PAH: variants seen among roughly 807,000 people sequenced by gnomAD.
The protein encoded by PAH is phenylalanine hydroxylase.
PAH carries 64 observed loss-of-function variants against 62.0 expected under a neutral mutation model. The ratio of observed to expected loss-of-function variants is 1.03; its 90% CI spans 0.84 to 1.27. The LOEUF is 1.27. Among genes scored for constraint, PAH ranks in the 50% most tolerant of loss-of-function variants. The pLI, the probability that PAH is intolerant of heterozygous loss-of-function variation, is 0.00. For synonymous variants in PAH, 195 were observed against 196.2 expected (o/e 0.99, Z 0.05); for missense variants, 579 against 542.8 (o/e 1.07, Z -0.66).
chr12:102,930,461 C>T (rs770614396), intron 1 of PAH, among the ~76,000 whole-genome samples: 2 of 152,112 alleles, frequency 1.3e-5, no homozygotes, highest in Admixed American at 6.5e-5. Flanking sequence ...CTCCATCATG[C>T]TTCTCCTCAT....
intron 1 of PAH, among the ~76,000 whole-genome samples, chr12:102,932,023 C>A (rs1878895375): frequency 1.3e-5 from 2 of 152,290 alleles, no homozygotes; most frequent in African/African-American, 4.8e-5. Flanking sequence ...GCTGAACAAG[C>A]TCAGAAAAAG....
chr12:102,925,625 T>A (rs73393532), intron 1 of PAH, among the ~76,000 whole-genome samples: 4,813 of 152,220 alleles, frequency 0.032, 264 homozygotes, highest in African/African-American at 0.11. Context: ...GACTTCCTAA[T>A]AAGTCAGCAT....
Position 102,868,040 on chromosome 12 carries a change from CTA to C in PAH, c.442-1379_442-1378del, listed in dbSNP as rs1321269260. The stretch of plus-strand genomic sequence containing the variant: ...TATACATATATACATGTATATACAC[CTA>C]TATATATGTATATATATACACATAT... On this transcript the variant is annotated intron_variant, in intron 4 of 12. Coordinates refer to ENST00000553106, the MANE Select transcript of PAH (RefSeq NM_000277.3). Among the ~76,000 whole-genome samples, 33 of 109,004 alleles carry C rather than the reference CTA, an allele frequency of 3.0e-4. 2 individuals are homozygous for C. The highest frequency in any genetic ancestry group is 7.3e-4 in the South Asian group (2 of 2,748). The allele number at this position is 109,004 out of a possible 152,430, so 71.5% of individuals were successfully genotyped here.
upstream of PAH, among the ~76,000 whole-genome samples, chr12:102,954,030 T>A (rs114691794): frequency 2.4e-3 from 361 of 152,324 alleles, 2 homozygotes; most frequent in African/African-American, 8.0e-3. Context: ...CATGTGAAGA[T>A]AAATGGGACA....
At chr12:102,889,486 T>C (rs546757548) in intron 3 of PAH, among the ~76,000 whole-genome samples, 2 of 151,766 alleles carry the variant, frequency 1.3e-5, no homozygotes, top group African/African-American at 4.8e-5. Context: ...GATAGGTAGA[T>C]AGATGATAGA....
rs181663969 is a variant in PAH, at chr12:102,861,114, C to G, written c.509+5482G>C. On this transcript the variant is annotated intron_variant, in intron 5 of 12. Coordinates refer to ENST00000553106, the MANE Select transcript of PAH (RefSeq NM_000277.3). ...ACAAAGGGATAATATCCAGAATCTA[C>G]AAAGAACTCAAACAAATTTACAAGA... Among the ~76,000 whole-genome samples, 1,417 of 152,188 alleles carry G rather than the reference C, an allele frequency of 9.3e-3. 15 individuals are homozygous for G. The highest frequency in any genetic ancestry group is 0.041 in the South Asian group (199 of 4,820).
chr12:102,956,720 G>T (rs1742589513), intron 1 of PAH, among the ~76,000 whole-genome samples: 1 of 152,118 alleles, frequency 6.6e-6, no homozygotes, highest in South Asian at 2.1e-4. Flanking sequence ...TCTTTATGGG[G>T]AGGGGGTGGC....
intron 8 of PAH, among the ~76,000 whole-genome samples, chr12:102,851,317 A>G (rs1236714987): frequency 1.3e-5 from 2 of 152,166 alleles, no homozygotes; most frequent in Admixed American, 1.3e-4. Context: ...ACTGCCTGAC[A>G]AGGTAGAAAG....
intron 5 of PAH, among the ~76,000 whole-genome samples, 173 bp downstream of exon 5, chr12:102,866,423 G>A (rs1875963043): frequency 6.6e-6 from 1 of 152,028 alleles, no homozygotes; most frequent in Non-Finnish European, 1.5e-5. Context: ...ATTAAAGGGA[G>A]GGTTTAAACA....
At chr12:102,919,054 A>C (rs1878490359), upstream of PAH, among the ~76,000 whole-genome samples, 1 of 152,172 alleles carries the variant, frequency 6.6e-6, no homozygotes, top group Non-Finnish European at 1.5e-5. Flanking sequence ...GCATGGTTTC[A>C]CTTCTTCCTC....
chr12:102,857,644 G>A (rs941568218), intron 5 of PAH, among the ~76,000 whole-genome samples: 11 of 152,332 alleles, frequency 7.2e-5, no homozygotes, highest in Middle Eastern at 3.4e-3. Flanking sequence ...AACTCTACCA[G>A]CCAGAAGAGA....
rs1231529155 is a variant in PAH, at chr12:102,852,862, G to A, written c.795C>T (p.Cys265=). The A allele has an allele frequency of 3.7e-6, 6 of 1,614,108 alleles. No individual in the cohort carries two copies. The highest frequency in any genetic ancestry group is 1.3e-5 in the African/African-American group (1 of 75,034). Reference sequence around the variant, plus strand: ...TGGATCCATGTCTGATGTACTGTGTGCAGTGGAAGACTCGGAAGGCCAGGC... The same window carrying A: ...TGGATCCATGTCTGATGTACTGTGTACAGTGGAAGACTCGGAAGGCCAGGC... ...LGGLAFRVFH[C]TQYIRHGSKP... The change falls in exon 7 of 13, where the codon TGC becomes TGT. Residue 265 remains cysteine (C), a synonymous_variant. Transcript: ENST00000553106.
At chr12:102,956,991 G>T (rs1378631532) in intron 1 of PAH, among the ~76,000 whole-genome samples, 2 of 152,184 alleles carry the variant, frequency 1.3e-5, no homozygotes, top group Non-Finnish European at 2.9e-5. Context: ...TTGAGAGGAC[G>T]CCTTGGGACT....
chr12:102,880,829 A>C (rs979821108), intron 3 of PAH, among the ~76,000 whole-genome samples: 1 of 152,178 alleles, frequency 6.6e-6, no homozygotes, highest in Middle Eastern at 3.2e-3. Context: ...AAGCATAAGG[A>C]AATGGAAAGT....
intron 1 of PAH, among the ~76,000 whole-genome samples, chr12:102,930,459 T>A (rs1436161229): frequency 6.6e-6 from 1 of 152,208 alleles, no homozygotes; most frequent in Non-Finnish European, 1.5e-5. Context: ...CTCTCCATCA[T>A]GCTTCTCCTC....
intron 5 of PAH, 41 bp from the exon 6 acceptor site, chr12:102,855,373 G>A (rs745645063): frequency 1.3e-6 from 2 of 1,568,528 alleles, no homozygotes; most frequent in Non-Finnish European, 1.8e-6. Context: ...AGCAGGGCAG[G>A]GGCACAGCAG....
chr12:102,849,058 G>C (rs1301044664), intron 8 of PAH, among the ~76,000 whole-genome samples: 1 of 152,178 alleles, frequency 6.6e-6, no homozygotes, highest in African/African-American at 2.4e-5. Context: ...GGCCACTGAG[G>C]AGGCTACCGC....
chr12:102,896,099 C>T (rs1877492749), intron 2 of PAH, among the ~76,000 whole-genome samples: 1 of 151,890 alleles, frequency 6.6e-6, no homozygotes, highest in South Asian at 2.1e-4. Flanking sequence ...AAGACTAAGG[C>T]AAAAATGCAA....
chr12:102,871,688 C>T (rs1332181937), intron 4 of PAH, among the ~76,000 whole-genome samples: 1 of 151,900 alleles, frequency 6.6e-6, no homozygotes, highest in Non-Finnish European at 1.5e-5. Context: ...TTTGGGAGTC[C>T]AAGGTGGGCA....
Sources: allele counts gnomAD v4.1 joint callset (sites outside exome capture counted in the v4.1 genomes callset), GRCh38; gene constraint gnomAD v4.1.1; transcripts MANE v1.5; gene names NCBI Gene and HGNC (gene_info 2026-07-23, HGNC 2026-07-21).